FAM153A: variants seen among roughly 807,000 people sequenced by gnomAD.
The protein encoded by FAM153A is protein FAM153A.
Under a neutral mutation model 48.1 loss-of-function variants are expected in FAM153A, and 12 were observed. That is an observed-to-expected ratio of 0.25 (90% CI 0.16 to 0.40). The LOEUF is 0.40. FAM153A is among the 10% of genes least tolerant of loss of function. FAM153A has a pLI of 1.00. For synonymous variants in FAM153A, 36 were observed against 118.2 expected (o/e 0.30, Z 4.51); for missense variants, 111 against 345.8 (o/e 0.32, Z 5.38).
downstream of FAM153A, among the ~76,000 whole-genome samples, chr5:177,709,773 C>T (rs1367884526): frequency 4.0e-5 from 5 of 123,600 alleles, no homozygotes; most frequent in Non-Finnish European, 8.4e-5. Flanking sequence ...CGGGTTCAAG[C>T]GATTCTCCTG....
At chr5:177,730,428 G>T (rs1316616443) in intron 16 of FAM153A, among the ~76,000 whole-genome samples, 1 of 121,222 alleles carries the variant, frequency 8.2e-6, no homozygotes, top group Non-Finnish European at 1.9e-5. Flanking sequence ...GTATGGCACT[G>T]ATTATTGTCT....
rs567059609 is a variant in FAM153A at position 177,738,028 on chromosome 5, C to A, written c.563-916G>T. ...TTCCTTTTAACACAGTGTGTGTGTG[C>A]CACGGGACCTGCTGCTGCTCATGCT... On this transcript the variant is annotated intron_variant, in intron 10 of 20. Coordinates refer to ENST00000614127, the Ensembl canonical transcript of FAM153A. Among the ~76,000 whole-genome samples, 34 of 151,646 alleles carry A rather than the reference C, an allele frequency of 2.2e-4. No individual in the cohort carries two copies. The South Asian group carries it at 6.8e-3, about 31-fold the overall frequency.
the FAM153A span, among the ~76,000 whole-genome samples, chr5:177,696,341 C>G: frequency 0.012 from 1,804 of 146,656 alleles, 72 homozygotes; most frequent in African/African-American, 0.044. Flanking sequence ...CCCAGATGGG[C>G]GGCCGGGCAG....
At chr5:177,729,920 A>G (rs981141162) in intron 16 of FAM153A, among the ~76,000 whole-genome samples, 1 of 102,726 alleles carries the variant, frequency 9.7e-6, no homozygotes, top group Non-Finnish European at 2.1e-5. Context: ...CCTCCTCACA[A>G]TCCACTGAGG....
At chr5:177,713,087 G>T (rs1470159307) in exon 27 of FAM153A, 1 of 151,936 alleles carries the variant, frequency 6.6e-6, no homozygotes, top group Non-Finnish European at 1.5e-5. Flanking sequence ...AGGTGGCAGA[G>T]GTTTACTTCT....
downstream of FAM153A, among the ~76,000 whole-genome samples, chr5:177,718,957 T>C (rs1760482395): frequency 6.6e-6 from 1 of 151,552 alleles, no homozygotes; most frequent in Non-Finnish European, 1.5e-5. Flanking sequence ...CTCAGCTCAC[T>C]GCAATCTTCA....
At chr5:177,737,428 C>G (rs1400622667) in intron 10 of FAM153A, among the ~76,000 whole-genome samples, 1 of 150,904 alleles carries the variant, frequency 6.6e-6, no homozygotes, top group African/African-American at 2.5e-5. Flanking sequence ...CTGACCTGAG[C>G]TAACTTGCCC....
chr5:177,752,618 CAAAA>C (rs71274705), intron 1 of FAM153A, among the ~76,000 whole-genome samples: 47 of 30,998 alleles, frequency 1.5e-3, no homozygotes, highest in African/African-American at 8.9e-3. Flanking sequence ...GAGACTCTGC[CAAAA>C]AAAAAAAAAA....
chr5:177,718,796 TAAG>T (rs2127575928), downstream of FAM153A, among the ~76,000 whole-genome samples: 1 of 144,578 alleles, frequency 6.9e-6, no homozygotes, highest in African/African-American at 2.5e-5. Flanking sequence ...TCAATAAAAT[TAAG>T]AAAAAAATAA....
chr5:177,702,715 T>C, the FAM153A span, among the ~76,000 whole-genome samples: 1 of 152,016 alleles, frequency 6.6e-6, no homozygotes, highest in East Asian at 1.9e-4. Flanking sequence ...TCCCTGCATC[T>C]CAGCCTAGCC....
intron 18 of FAM153A, among the ~76,000 whole-genome samples, chr5:177,725,529 CT>C (rs1173549717): frequency 1.7e-4 from 26 of 151,874 alleles, no homozygotes; most frequent in Admixed American, 1.4e-3. Context: ...TTGCCTTAAT[CT>C]GCAAGTGAGG....
the FAM153A span, among the ~76,000 whole-genome samples, chr5:177,701,264 T>C: frequency 6.6e-6 from 1 of 151,814 alleles, no homozygotes; most frequent in South Asian, 2.1e-4. Flanking sequence ...CTCTTTTCTT[T>C]ATAAATTACC....
the FAM153A span, among the ~76,000 whole-genome samples, chr5:177,697,832 A>C: frequency 6.6e-6 from 1 of 151,262 alleles, no homozygotes; most frequent in Non-Finnish European, 1.5e-5. Context: ...GTTCCTGACT[A>C]TTTTCTGACA....
At chr5:177,746,279 C>T (rs1245899389) in intron 4 of FAM153A, among the ~76,000 whole-genome samples, 1 of 148,280 alleles carries the variant, frequency 6.7e-6, no homozygotes, top group Non-Finnish European at 1.5e-5. Flanking sequence ...AAGACATGTG[C>T]TTCCTGAGTA....
At chr5:177,704,970 C>A (rs1582090305), downstream of FAM153A, among the ~76,000 whole-genome samples, 4 of 150,674 alleles carry the variant, frequency 2.7e-5, 1 homozygote, top group African/African-American at 9.8e-5. Flanking sequence ...CACCGCACTC[C>A]AGCCTGGGTG....
chr5:177,701,489 C>G, the FAM153A span, among the ~76,000 whole-genome samples: 4 of 151,880 alleles, frequency 2.6e-5, no homozygotes, highest in African/African-American at 9.7e-5. Context: ...TGCTTGAACC[C>G]AGGAGGTGGA....
downstream of FAM153A, among the ~76,000 whole-genome samples, chr5:177,709,132 A>AAG (rs60986813): frequency 9.2e-6 from 1 of 109,012 alleles, no homozygotes; most frequent in African/African-American, 3.5e-5. Flanking sequence ...AAAAAAAAAA[A>AAG]GAAAGAAAAG....
chr5:177,728,561 T>TTTG (rs1763095867), intron 18 of FAM153A, among the ~76,000 whole-genome samples: 2 of 145,712 alleles, frequency 1.4e-5, no homozygotes, highest in South Asian at 4.3e-4. Context: ...GTGTTTTTTT[T>TTTG]TTTGTTTGTT....
chr5:177,759,626 A>G (rs1374446339), intron 1 of FAM153A, among the ~76,000 whole-genome samples: 11 of 151,720 alleles, frequency 7.3e-5, no homozygotes, highest in East Asian at 3.9e-4. Context: ...ATGGAATACT[A>G]TGCAGCCATA....
Sources: gnomAD v4.1 joint callset for allele counts (sites outside exome capture counted in the v4.1 genomes callset) on GRCh38, gnomAD v4.1.1 for gene constraint, MANE v1.5 for transcripts, NCBI Gene and HGNC (gene_info 2026-07-23, HGNC 2026-07-21) for gene names.